Variants in UPRT observed in about 807,000 individuals in gnomAD.
UPRT encodes RP11-311P8.3.
In UPRT, 5 loss-of-function variants were observed where a neutral mutation model predicts 22.6. That is an observed-to-expected ratio of 0.22 (90% CI 0.12 to 0.47). UPRT has a LOEUF of 0.47. UPRT is among the 20% of genes least tolerant of loss of function. UPRT has a pLI of 0.99. For missense variants in UPRT, 181 were observed against 239.9 expected (o/e 0.75, Z 1.62); for synonymous variants, 77 against 87.7 (o/e 0.88, Z 0.68).
upstream of UPRT, among the ~76,000 whole-genome samples, chrX:75,272,180 A>G (rs2082609985): frequency 9.3e-6 from 1 of 107,407 alleles, no homozygotes; most frequent in South Asian, 4.1e-4. Context: ...ATAGTTGCAC[A>G]CGCATGTTTA....
intron 4 of UPRT, among the ~76,000 whole-genome samples, chrX:75,260,178 C>A (rs1425620714): frequency 8.9e-6 from 1 of 112,081 alleles, no homozygotes; most frequent in African/African-American, 3.2e-5. Flanking sequence ...ACAATTGATG[C>A]TAGGAAGAAA....
chrX:75,245,924 T>C (rs909598539), intron 4 of UPRT, among the ~76,000 whole-genome samples: 1 of 111,425 alleles, frequency 9.0e-6, no homozygotes, highest in Non-Finnish European at 1.9e-5. Flanking sequence ...AACCTGCACA[T>C]GTACCCTTGA....
chrX:75,168,259 A>G (rs1301826029), intron 4 of UPRT, among the ~76,000 whole-genome samples: 2 of 111,728 alleles, frequency 1.8e-5, no homozygotes, highest in Non-Finnish European at 3.8e-5. Context: ...AGATTTATTC[A>G]CCCCATTAAA....
At chrX:75,226,707 C>T (rs1230710440) in intron 4 of UPRT, among the ~76,000 whole-genome samples, 1 of 110,430 alleles carries the variant, frequency 9.1e-6, no homozygotes, top group Non-Finnish European at 1.9e-5. Flanking sequence ...TGTACTCTCT[C>T]TGCCATCACT....
intron 3 of UPRT, among the ~76,000 whole-genome samples, chrX:75,166,201 T>C (rs1318535858): frequency 1.8e-5 from 2 of 112,022 alleles, no homozygotes; most frequent in Non-Finnish European, 3.8e-5. Flanking sequence ...TTGTATATGA[T>C]AATTAAAATC....
intron 4 of UPRT, among the ~76,000 whole-genome samples, 164 bp from the exon 5 acceptor site, chrX:75,299,571 A>G (rs1016414958): frequency 6.2e-5 from 7 of 112,092 alleles, no homozygotes; most frequent in Admixed American, 3.8e-4. Flanking sequence ...TCCACTAAGT[A>G]TGAAATATGA....
intron 1 of UPRT, among the ~76,000 whole-genome samples, chrX:75,158,992 T>G (rs765537503): frequency 1.8e-5 from 2 of 111,758 alleles, no homozygotes; most frequent in Non-Finnish European, 3.8e-5. Context: ...TTTTAGCTAT[T>G]TTGAACTATA....
At chrX:75,181,119 C>T (rs1302710501) in intron 4 of UPRT, among the ~76,000 whole-genome samples, 1 of 110,430 alleles carries the variant, frequency 9.1e-6, no homozygotes, top group Non-Finnish European at 1.9e-5. Flanking sequence ...GAGTCCTTTC[C>T]CTATTGCTTG....
chrX:75,260,886 A>G (rs1180346923), intron 4 of UPRT, among the ~76,000 whole-genome samples: 1 of 112,173 alleles, frequency 8.9e-6, no homozygotes, highest in African/African-American at 3.2e-5. Context: ...AAAAGAACAG[A>G]AATCACAACA....
At chrX:75,276,217 G>C (rs2082631077) in intron 1 of UPRT, among the ~76,000 whole-genome samples, 1 of 111,397 alleles carries the variant, frequency 9.0e-6, no homozygotes, top group Admixed American at 9.6e-5. Context: ...TATCTTCCCT[G>C]GTCTTTTTAA....
At chrX:75,247,639 C>A (rs769799127) in intron 4 of UPRT, among the ~76,000 whole-genome samples, 1 of 112,795 alleles carries the variant, frequency 8.9e-6, no homozygotes, top group Admixed American at 9.3e-5. Flanking sequence ...TCTATAGGCT[C>A]CACCTCTGGG....
intron 4 of UPRT, among the ~76,000 whole-genome samples, chrX:75,212,957 A>T (rs1459050634): frequency 1.8e-5 from 2 of 111,802 alleles, no homozygotes; most frequent in Non-Finnish European, 3.7e-5. Flanking sequence ...AAACAATATA[A>T]AATAAAAAAT....
chrX:75,258,783 C>T (rs2082557876), intron 4 of UPRT, among the ~76,000 whole-genome samples: 1 of 111,935 alleles, frequency 8.9e-6, no homozygotes, highest in African/African-American at 3.2e-5. Context: ...GGGACAGACT[C>T]CCTCCTCAAG....
At chrX:75,231,124 A>G (rs1279908281) in intron 4 of UPRT, among the ~76,000 whole-genome samples, 3 of 111,871 alleles carry the variant, frequency 2.7e-5, no homozygotes, top group African/African-American at 9.7e-5. Flanking sequence ...GCAGATACAG[A>G]ATTCAGAAGG....
At chrX:75,265,199 T>C (rs1277996997) in intron 4 of UPRT, among the ~76,000 whole-genome samples, 2 of 111,551 alleles carry the variant, frequency 1.8e-5, no homozygotes, top group South Asian at 3.8e-4. Flanking sequence ...TGGCATTCTC[T>C]GTATTTTCTG....
chrX:75,237,057 A>G (rs749689802), intron 4 of UPRT, among the ~76,000 whole-genome samples: 1 of 112,274 alleles, frequency 8.9e-6, no homozygotes, highest in South Asian at 3.7e-4. Flanking sequence ...CATCTGACAA[A>G]GGGCTAATAT....
chrX:75,167,264 G>C (rs912402932), intron 3 of UPRT, among the ~76,000 whole-genome samples: 2 of 111,895 alleles, frequency 1.8e-5, no homozygotes, highest in African/African-American at 6.5e-5. Context: ...TGAAATGCTT[G>C]ATCAAGCCTC....
In UPRT at chrX:75,203,860, T is replaced by C. The variant is rs145112164; in HGVS notation, c.-447+35981T>C. Among the ~76,000 whole-genome samples, 797 of 111,504 alleles carry C rather than the reference T, an allele frequency of 7.1e-3. 3 individuals are homozygous for C. The highest frequency in any genetic ancestry group is 0.012 in the Non-Finnish European group (626 of 53,066). On this transcript the variant is annotated intron_variant, in intron 4 of 13. Coordinates refer to the UPRT transcript ENST00000652605. ...TTCACTTTGACCAAGGTCTGCAAAA[T>C]GGTGGGGGGACTTACAAAATGGTGC...
intron 4 of UPRT, among the ~76,000 whole-genome samples, chrX:75,185,313 T>C (rs758465179): frequency 8.9e-6 from 1 of 112,191 alleles, no homozygotes; most frequent in Non-Finnish European, 1.9e-5. Flanking sequence ...GTGTATATGC[T>C]GGATTACATT....
Sources: allele counts gnomAD v4.1 joint callset (sites outside exome capture counted in the v4.1 genomes callset), GRCh38; gene constraint gnomAD v4.1.1; transcripts MANE v1.5; gene names NCBI Gene and HGNC (gene_info 2026-07-23, HGNC 2026-07-21).